MEIKIN: variants seen among roughly 807,000 people sequenced by gnomAD.
The protein encoded by MEIKIN is meiosis-specific kinetochore protein.
chr5:131,843,690 T>A (rs2149612303), intron 11 of MEIKIN, among the ~76,000 whole-genome samples: 1 of 152,322 alleles, frequency 6.6e-6, no homozygotes, highest in South Asian at 2.1e-4. Context: ...AGCCTGGCCA[T>A]CTCTGTCCAT....
At chr5:131,893,900 T>C (rs969208751) in intron 8 of MEIKIN, among the ~76,000 whole-genome samples, 1 of 152,238 alleles carries the variant, frequency 6.6e-6, no homozygotes, top group Non-Finnish European at 1.5e-5. Context: ...ATCTTTAGTT[T>C]AATTAGATCC....
intron 11 of MEIKIN, among the ~76,000 whole-genome samples, chr5:131,847,810 T>C (rs867702139): frequency 2.5e-4 from 38 of 152,016 alleles, no homozygotes; most frequent in Admixed American, 2.2e-3. Context: ...AAAAGATAGA[T>C]ATCATACAAA....
intron 3 of MEIKIN, among the ~76,000 whole-genome samples, chr5:131,942,968 T>C (rs1377726118): frequency 2.6e-5 from 4 of 152,088 alleles, no homozygotes; most frequent in Non-Finnish European, 5.9e-5. Context: ...AAATAGAAGA[T>C]AGAGGTGAAT....
intron 11 of MEIKIN, among the ~76,000 whole-genome samples, chr5:131,826,821 C>T (rs1212461993): frequency 3.3e-5 from 5 of 152,122 alleles, no homozygotes; most frequent in Non-Finnish European, 5.9e-5. Context: ...TTCCTAAGGC[C>T]TCCCCAGCCA....
chr5:131,819,439 A>AGAGGAGGAGGGACAGGGGGAGG (rs1213350147), intron 11 of MEIKIN, among the ~76,000 whole-genome samples: 602 of 41,292 alleles, frequency 0.015, 5 homozygotes, highest in African/African-American at 0.058. Flanking sequence ...AGGGGGAGGG[A>AGAGGAGGAGGGACAGGGGGAGG]GAGGAGGAGG....
At chr5:131,816,620 C>A (rs1164363382) in intron 12 of MEIKIN, among the ~76,000 whole-genome samples, 1 of 152,118 alleles carries the variant, frequency 6.6e-6, no homozygotes, top group African/African-American at 2.4e-5. Flanking sequence ...ATACGTTAGG[C>A]CTTATTCTAT....
At chr5:131,917,944 T>C (rs1207703746) in intron 6 of MEIKIN, among the ~76,000 whole-genome samples, 5 of 152,140 alleles carry the variant, frequency 3.3e-5, no homozygotes, top group South Asian at 4.2e-4. Context: ...TCATTTTTTT[T>C]CCCCCGAGGG....
At chr5:131,940,577 A>G (rs186510307) in intron 4 of MEIKIN, among the ~76,000 whole-genome samples, 5 of 152,102 alleles carry the variant, frequency 3.3e-5, no homozygotes, top group African/African-American at 1.2e-4. Context: ...AAGTTTGGAT[A>G]TTCCTGGTTG....
At chr5:131,871,794 ACAAAACTTCCAG>A (rs1750506415) in intron 9 of MEIKIN, among the ~76,000 whole-genome samples, 1 of 152,162 alleles carries the variant, frequency 6.6e-6, no homozygotes, top group Non-Finnish European at 1.5e-5. Context: ...CTCCTCTGAG[ACAAAACTTCCAG>A]AGGAACGATC....
chr5:131,878,696 C>A (rs1219994779), intron 9 of MEIKIN, among the ~76,000 whole-genome samples: 1 of 151,824 alleles, frequency 6.6e-6, no homozygotes, highest in African/African-American at 2.4e-5. Context: ...TAGTGATACC[C>A]CATCTTTACA....
At position 131,853,368 on chromosome 5, in the gene MEIKIN, C is replaced by T. The variant is rs561000528; in HGVS notation, c.855+1386G>A. 3.9e-5 allele frequency among the ~76,000 whole-genome samples: 6 copies of T among 152,174 alleles called. No individual in the cohort carries two copies. The South Asian group carries it at 1.0e-3, about 26-fold the overall frequency. On this transcript the variant is annotated intron_variant, in intron 10 of 12. Transcript: ENST00000442687. ...GCAGTCCCCACACTGCTATGTAAGC[C>T]GCTGCATGGACCTCTGTGAGGATTG...
intron 8 of MEIKIN, among the ~76,000 whole-genome samples, chr5:131,894,379 C>T (rs1419636747): frequency 6.6e-6 from 1 of 152,164 alleles, no homozygotes; most frequent in East Asian, 1.9e-4. Flanking sequence ...CTTGGCAATG[C>T]AGGCTCTTTT....
chr5:131,837,121 T>C (rs1377012522), intron 11 of MEIKIN, among the ~76,000 whole-genome samples: 1 of 152,180 alleles, frequency 6.6e-6, no homozygotes, highest in East Asian at 1.9e-4. Context: ...ATTTATTGAA[T>C]AGGGAGTCCT....
chr5:131,866,155 T>C (rs891240787), intron 9 of MEIKIN, among the ~76,000 whole-genome samples: 7 of 152,124 alleles, frequency 4.6e-5, no homozygotes, highest in African/African-American at 1.7e-4. Context: ...GTCAACTGTG[T>C]TGGTGTTGGC....
chr5:131,882,225 C>T (rs775105116), intron 8 of MEIKIN, among the ~76,000 whole-genome samples: 1 of 152,168 alleles, frequency 6.6e-6, no homozygotes, highest in Non-Finnish European at 1.5e-5. Flanking sequence ...CTTGCTTCTA[C>T]TCTCGCCCTC....
At chr5:131,897,518 T>A (rs548293131) in intron 8 of MEIKIN, among the ~76,000 whole-genome samples, 1 of 152,236 alleles carries the variant, frequency 6.6e-6, no homozygotes, top group Non-Finnish European at 1.5e-5. Context: ...CACTTTCAGG[T>A]ACACCAGTCA....
At chr5:131,934,287 C>T (rs1185418230) in intron 4 of MEIKIN, among the ~76,000 whole-genome samples, 2 of 151,856 alleles carry the variant, frequency 1.3e-5, no homozygotes, top group African/African-American at 2.4e-5. Flanking sequence ...ATATAAGTAA[C>T]CCATTAATTG....
chr5:131,923,609 T>C (rs1039346087), intron 5 of MEIKIN, among the ~76,000 whole-genome samples: 3 of 151,862 alleles, frequency 2.0e-5, no homozygotes, highest in Non-Finnish European at 4.4e-5. Flanking sequence ...TCCATTCTGC[T>C]TTTGCACTTC....
intron 9 of MEIKIN, among the ~76,000 whole-genome samples, chr5:131,859,024 T>C (rs1750239845): frequency 6.6e-6 from 1 of 152,216 alleles, no homozygotes; most frequent in African/African-American, 2.4e-5. Context: ...TGGTGATTTC[T>C]CAAAGAACTC....
Sources: allele counts gnomAD v4.1 joint callset (sites outside exome capture counted in the v4.1 genomes callset), GRCh38; gene constraint gnomAD v4.1.1; transcripts MANE v1.5; gene names NCBI Gene and HGNC (gene_info 2026-07-23, HGNC 2026-07-21).